DMD: variants seen among roughly 807,000 people sequenced by gnomAD.
The protein encoded by DMD is mutant dystrophin.
Under a neutral mutation model 330.1 loss-of-function variants are expected in DMD, and 63 were observed. The observed-to-expected ratio is 0.19, with a 90% confidence interval of 0.16 to 0.24. The LOEUF is 0.24. Among genes scored for constraint, DMD ranks in the 10% least tolerant of loss-of-function variants. The probability of loss-of-function intolerance (pLI) is 1.00; values close to 1 mark genes in which losing one functional copy is unlikely to be tolerated. For synonymous variants in DMD, 1,223 were observed against 959.8 expected, an observed-to-expected ratio of 1.27 and a Z score of -5.07; for missense variants, 3,344 against 2,684.1, an observed-to-expected ratio of 1.25 and a Z score of -5.43.
rs1177078076 is a variant in DMD at position 32,783,224 on chromosome X, G to GTATACGTATATACACATATGTGTA, written c.649+26245_649+26268dup. On this transcript the variant is annotated intron_variant, in intron 7 of 78. Coordinates refer to ENST00000357033, the MANE Select transcript of DMD (RefSeq NM_004006.3). ...CATATACACATATGTGTATATACGT[G>GTATACGTATATACACATATGTGTA]TATACGTATATACACATATGTGTAT... Among the ~76,000 whole-genome samples the GTATACGTATATACACATATGTGTA allele has an allele frequency of 4.4e-3, 416 of 94,035 alleles. 2 individuals carry two copies. Among genetic ancestry groups the GTATACGTATATACACATATGTGTA allele is most frequent in the Middle Eastern group, 7.3e-3 (1 of 137 alleles). 81.7% of individuals were successfully genotyped at this position (94,035 alleles called of 115,157 possible).
chrX:33,230,176 T>A (rs1345232910), intron 1 of DMD, among the ~76,000 whole-genome samples: 1 of 112,275 alleles, frequency 8.9e-6, no homozygotes, highest in African/African-American at 3.2e-5. Context: ...TATAATTGTT[T>A]ATAGAGGGAT....
intron 44 of DMD, among the ~76,000 whole-genome samples, chrX:31,987,027 T>A (rs1249117222): frequency 8.9e-6 from 1 of 112,140 alleles, no homozygotes; most frequent in East Asian, 2.8e-4. Context: ...CTGTCATCTA[T>A]TAGTTATCTA....
intron 19 of DMD, among the ~76,000 whole-genome samples, chrX:32,493,527 T>A (rs1421163618): frequency 8.9e-6 from 1 of 111,946 alleles, no homozygotes; most frequent in Non-Finnish European, 1.9e-5. Flanking sequence ...TGTGACATGC[T>A]GTTTTTGATC....
chrX:32,459,266 G>A (rs1159949518), intron 25 of DMD, among the ~76,000 whole-genome samples: 1 of 110,713 alleles, frequency 9.0e-6, no homozygotes, highest in Non-Finnish European at 1.9e-5. Context: ...ATGGGTATAC[G>A]CTTATCCCCA....
At chrX:32,394,354 G>A (rs1428364322) in intron 30 of DMD, among the ~76,000 whole-genome samples, 2 of 111,580 alleles carry the variant, frequency 1.8e-5, no homozygotes, top group Non-Finnish European at 3.8e-5. Flanking sequence ...AAATTTCAGG[G>A]CTCTCTCTTG....
chrX:31,150,873 C>T (rs1301139293), intron 74 of DMD, among the ~76,000 whole-genome samples: 5 of 111,758 alleles, frequency 4.5e-5, no homozygotes, highest in Non-Finnish European at 7.5e-5. Flanking sequence ...TTTCATTCTA[C>T]CTAGTACCTA....
chrX:31,965,827 T>C (rs1320373027), intron 45 of DMD, among the ~76,000 whole-genome samples: 1 of 112,233 alleles, frequency 8.9e-6, no homozygotes, highest in Admixed American at 9.5e-5. Flanking sequence ...GTGAATTGTC[T>C]ATCTTAAACT....
chrX:32,035,640 T>C (rs6631467), intron 44 of DMD: 43,226 of 236,898 alleles, frequency 0.18, 2,950 homozygotes, highest in African/African-American at 0.32. Flanking sequence ...AAAACACATA[T>C]AGTAATATTA....
chrX:32,235,952 C>T (rs2097186181), intron 43 of DMD, among the ~76,000 whole-genome samples: 1 of 111,505 alleles, frequency 9.0e-6, no homozygotes, highest in Non-Finnish European at 1.9e-5. Context: ...CACATAACAG[C>T]TATCAGGATG....
At chrX:32,864,829 G>A (rs1296016155) in intron 2 of DMD, among the ~76,000 whole-genome samples, 1 of 111,713 alleles carries the variant, frequency 9.0e-6, no homozygotes, top group African/African-American at 3.3e-5. Context: ...AAAAACTTAA[G>A]GCTATATAAA....
rs1225205318 is a variant in DMD at position 31,510,544 on chromosome X, G to C, written c.8218-3091C>G. Among the ~76,000 whole-genome samples the C allele has an allele frequency of 3.3e-5, 3 of 90,036 alleles. No homozygotes were observed. In the Admixed American group the frequency reaches 4.2e-4, roughly 13 times the overall value. 78.2% of individuals were successfully genotyped at this position (90,036 alleles called of 115,157 possible). On this transcript the variant is annotated intron_variant, in intron 55 of 78. Transcript: ENST00000357033. ...TTTTTTTGAGACAGAGTCTCGCTCT[G>C]TCACCCAGGCTGGAGCACAGTGGCG...
At chrX:33,007,178 G>A (rs1318840615) in intron 2 of DMD, among the ~76,000 whole-genome samples, 1 of 110,619 alleles carries the variant, frequency 9.0e-6, no homozygotes, top group Non-Finnish European at 1.9e-5. Flanking sequence ...CTCCCACAAT[G>A]TACAAGCCAA....
chrX:31,833,827 A>C (rs1472424421), intron 49 of DMD, among the ~76,000 whole-genome samples: 1 of 111,521 alleles, frequency 9.0e-6, no homozygotes, highest in East Asian at 2.8e-4. Flanking sequence ...GTCTTTAATT[A>C]GAATGTTTGT....
At chrX:31,550,907 G>A (rs952569400) in intron 55 of DMD, among the ~76,000 whole-genome samples, 34 of 112,016 alleles carry the variant, frequency 3.0e-4, no homozygotes, top group Non-Finnish European at 5.3e-4. Context: ...TGGGCTGGGC[G>A]TGGTGGCTCA....
At chrX:31,375,940 G>A (rs12856612) in intron 60 of DMD, among the ~76,000 whole-genome samples, 6,814 of 111,849 alleles carry the variant, frequency 0.061, 159 homozygotes, top group South Asian at 0.11. Context: ...CCCACAAGCA[G>A]GTACCTTTTC....
chrX:32,706,215 G>A (rs928204080), intron 7 of DMD, among the ~76,000 whole-genome samples: 2 of 75,155 alleles, frequency 2.7e-5, no homozygotes, highest in East Asian at 5.3e-4. Context: ...ATCACACACC[G>A]GGGCCTGTTG....
At chrX:32,699,048 A>G in intron 8 of DMD, 64 bp downstream of exon 8, 1 of 992,269 alleles carries the variant, frequency 1.0e-6, no homozygotes, top group Non-Finnish European at 1.4e-6. Flanking sequence ...TGTGCACGTA[A>G]TACCTAAAAA....
chrX:31,640,884 A>G (rs990280709), intron 54 of DMD, among the ~76,000 whole-genome samples: 5 of 112,311 alleles, frequency 4.5e-5, no homozygotes, highest in East Asian at 2.8e-4. Flanking sequence ...ACCATGCTTC[A>G]TGGTGGCTGT....
At chrX:32,262,340 C>T (rs2097326669) in intron 43 of DMD, among the ~76,000 whole-genome samples, 1 of 111,235 alleles carries the variant, frequency 9.0e-6, no homozygotes, top group Admixed American at 9.6e-5. Context: ...CAGTGGTAAC[C>T]TGGGAATCAA....
Sources: gnomAD v4.1 joint callset for allele counts (sites outside exome capture counted in the v4.1 genomes callset) on GRCh38, gnomAD v4.1.1 for gene constraint, MANE v1.5 for transcripts, NCBI Gene and HGNC (gene_info 2026-07-23, HGNC 2026-07-21) for gene names.